Variants in SLC39A11 observed in about 807,000 individuals in gnomAD.
The protein encoded by SLC39A11 is zinc transporter ZIP11.
In SLC39A11, 33 loss-of-function variants were observed where a neutral mutation model predicts 36.1. The ratio of observed to expected loss-of-function variants is 0.91; its 90% CI spans 0.69 to 1.22. The LOEUF (loss-of-function observed/expected upper bound fraction) is 1.22. Ranked by LOEUF, SLC39A11 falls within the 50% of genes most tolerant of loss-of-function variation. The pLI, the probability that SLC39A11 is intolerant of heterozygous loss-of-function variation, is 0.00. For synonymous variants in SLC39A11, 166 were observed against 170.3 expected (o/e 0.97, Z 0.20); for missense variants, 432 against 430.3 (o/e 1.00, Z -0.03).
chr17:72,686,659 GC>G (rs1338774023), intron 7 of SLC39A11, among the ~76,000 whole-genome samples: 3 of 152,192 alleles, frequency 2.0e-5, no homozygotes, highest in Non-Finnish European at 4.4e-5. Context: ...CCCAGCTATG[GC>G]CCAACGACAT....
At chr17:72,931,222 G>T (rs550673674) in intron 5 of SLC39A11, among the ~76,000 whole-genome samples, 1 of 152,308 alleles carries the variant, frequency 6.6e-6, no homozygotes, top group African/African-American at 2.4e-5. Flanking sequence ...AAGAGAAATG[G>T]AGAGAGCAAG....
chr17:73,070,218 G>C (rs369232764), intron 3 of SLC39A11, among the ~76,000 whole-genome samples: 20 of 152,304 alleles, frequency 1.3e-4, no homozygotes, highest in Middle Eastern at 6.8e-3. Flanking sequence ...GCTGCAGGCT[G>C]ACCAGTATCC....
chr17:73,036,383 T>A (rs2058915639), intron 3 of SLC39A11, among the ~76,000 whole-genome samples: 2 of 152,178 alleles, frequency 1.3e-5, no homozygotes, highest in South Asian at 4.1e-4. Context: ...ATACAGCTGA[T>A]GAACCCACAC....
chr17:72,790,356 C>T (rs968578148), intron 6 of SLC39A11, among the ~76,000 whole-genome samples: 2 of 152,098 alleles, frequency 1.3e-5, no homozygotes, highest in African/African-American at 4.8e-5. Context: ...AGGAAGTAGG[C>T]AGTGCTCATC....
intron 7 of SLC39A11, among the ~76,000 whole-genome samples, chr17:72,708,310 T>C (rs1224470846): frequency 6.6e-6 from 1 of 152,106 alleles, no homozygotes; most frequent in Non-Finnish European, 1.5e-5. Flanking sequence ...AAGGCTTGAA[T>C]AGAACAAAAA....
At chr17:72,989,936 A>G (rs1288956165) in intron 4 of SLC39A11, among the ~76,000 whole-genome samples, 2 of 152,202 alleles carry the variant, frequency 1.3e-5, no homozygotes, top group Non-Finnish European at 2.9e-5. Context: ...TCATTATTTC[A>G]GTAATTTATT....
intron 4 of SLC39A11, among the ~76,000 whole-genome samples, chr17:73,011,172 C>G (rs2090489014): frequency 1.3e-5 from 2 of 152,180 alleles, no homozygotes; most frequent in South Asian, 4.1e-4. Context: ...GTCTGGAGAG[C>G]CTTGTGGGGA....
intron 4 of SLC39A11, among the ~76,000 whole-genome samples, chr17:72,958,472 C>G (rs993648509): frequency 2.6e-5 from 4 of 152,202 alleles, no homozygotes; most frequent in African/African-American, 9.6e-5. Flanking sequence ...GGACCAATAT[C>G]CAGGATCTAC....
rs757621624 is a variant in SLC39A11, at chr17:72,819,414, C to A, written c.601+30220G>T. On this transcript the variant is annotated intron_variant, in intron 6 of 9. Transcript: ENST00000255559. Reference sequence around the variant, plus strand: ...CTGGCCTCCAGAACTGTGTGAGAATCAACTTCTGTTCTTCAGGCCACCCAG... The same window carrying A: ...CTGGCCTCCAGAACTGTGTGAGAATAAACTTCTGTTCTTCAGGCCACCCAG... Among the ~76,000 whole-genome samples the A allele has an allele frequency of 4.6e-5, 7 of 151,348 alleles. 1 individual carries two copies. The highest frequency in any genetic ancestry group is 1.0e-4 in the Non-Finnish European group (7 of 67,552).
chr17:72,655,136 C>G (rs1168457160), intron 7 of SLC39A11, among the ~76,000 whole-genome samples: 2 of 152,254 alleles, frequency 1.3e-5, no homozygotes, highest in Non-Finnish European at 1.5e-5. Flanking sequence ...GGCTCCTTTG[C>G]TCCCCAGCAG....
chr17:72,795,170 G>A (rs2076856020), intron 6 of SLC39A11, among the ~76,000 whole-genome samples: 1 of 152,080 alleles, frequency 6.6e-6, no homozygotes, highest in African/African-American at 2.4e-5. Flanking sequence ...TATGGTCTCA[G>A]TCTCTGAGAC....
chr17:72,852,228 A>AAAAAAAAAAAAAC (rs1491123331), intron 5 of SLC39A11, among the ~76,000 whole-genome samples: 6 of 134,910 alleles, frequency 4.4e-5, no homozygotes, highest in East Asian at 4.3e-4. Context: ...AAAAAAAAAA[A>AAAAAAAAAAAAAC]CAGAAAGAAA....
At chr17:73,088,363 G>A (rs895988655) in intron 2 of SLC39A11, among the ~76,000 whole-genome samples, 4 of 151,772 alleles carry the variant, frequency 2.6e-5, no homozygotes, top group Non-Finnish European at 4.4e-5. Context: ...GCGGGCTAAC[G>A]AAGCCTCAAT....
intron 4 of SLC39A11, among the ~76,000 whole-genome samples, chr17:72,955,776 T>C (rs2086217007): frequency 6.6e-6 from 1 of 152,074 alleles, no homozygotes; most frequent in African/African-American, 2.4e-5. Flanking sequence ...AAATGTTGCA[T>C]AATACAGAAC....
chr17:72,721,064 C>G (rs143863959), intron 7 of SLC39A11, among the ~76,000 whole-genome samples: 53 of 150,308 alleles, frequency 3.5e-4, no homozygotes, highest in Non-Finnish European at 2.7e-4. Flanking sequence ...AGACTAGGCA[C>G]AGACTTGACT....
At chr17:72,794,562 C>A (rs532573437) in intron 6 of SLC39A11, among the ~76,000 whole-genome samples, 1 of 151,946 alleles carries the variant, frequency 6.6e-6, no homozygotes, top group East Asian at 1.9e-4. Context: ...TGTGTCCAAG[C>A]CACTCCCTGC....
chr17:73,045,247 T>A (rs1439518324), intron 3 of SLC39A11, among the ~76,000 whole-genome samples: 1 of 152,008 alleles, frequency 6.6e-6, no homozygotes, highest in Non-Finnish European at 1.5e-5. Context: ...GCATCCATTC[T>A]CAGTGACTGT....
rs573698415 is a variant in SLC39A11, at chr17:72,674,123, C to T, written c.672-24855G>A. On this transcript the variant is annotated intron_variant, in intron 7 of 9. Coordinates refer to ENST00000255559, the MANE Select transcript of SLC39A11 (RefSeq NM_139177.4). Reference sequence around the variant, plus strand: ...GTATAGACAACTGTCACTTCCTCCTCACCCTTGTTCCCCACCCCTACTCCC... The same window carrying T: ...GTATAGACAACTGTCACTTCCTCCTTACCCTTGTTCCCCACCCCTACTCCC... Among the ~76,000 whole-genome samples, 6 of 152,140 alleles carry T rather than the reference C, an allele frequency of 3.9e-5. No homozygotes were observed. The South Asian group carries it at 1.2e-3, about 32-fold the overall frequency.
At chr17:72,677,720 T>C (rs910706591) in intron 7 of SLC39A11, among the ~76,000 whole-genome samples, 1 of 152,026 alleles carries the variant, frequency 6.6e-6, no homozygotes, top group Non-Finnish European at 1.5e-5. Context: ...ACTTGGGGTA[T>C]TGGGAAAATG....
Sources: allele counts gnomAD v4.1 joint callset (sites outside exome capture counted in the v4.1 genomes callset), GRCh38; gene constraint gnomAD v4.1.1; transcripts MANE v1.5; gene names NCBI Gene and HGNC (gene_info 2026-07-23, HGNC 2026-07-21).